Variants in RAB11FIP5 observed in about 807,000 individuals in gnomAD.
RAB11FIP5 encodes the protein rab11 family-interacting protein 5.
In RAB11FIP5, 48 loss-of-function variants were observed where a neutral mutation model predicts 85.1. The observed-to-expected ratio is 0.56, with a 90% CI of 0.45 to 0.72. The LOEUF (loss-of-function observed/expected upper bound fraction) is 0.72, where lower values mean the gene tolerates loss of function less well. Among genes scored for constraint, RAB11FIP5 ranks in the 30% least tolerant of loss-of-function variants. RAB11FIP5 has a pLI of 0.00. For synonymous variants in RAB11FIP5, 729 were observed against 727.3 expected (o/e 1.00, Z -0.04); for missense variants, 1,491 against 1,687.0 (o/e 0.88, Z 2.04).
chr2:73,082,040 CTTTT>C (rs11409259), intron 3 of RAB11FIP5, among the ~76,000 whole-genome samples: 1 of 129,904 alleles, frequency 7.7e-6, no homozygotes, highest in Non-Finnish European at 1.6e-5. Context: ...CCTTACATCC[CTTTT>C]TTTTTTTTTT....
At position 73,089,227 on chromosome 2, in the gene RAB11FIP5, T is replaced by A. The variant is rs1453934862; in HGVS notation, c.520A>T (p.Ser174Cys). Residue 174 changes from serine (S) to cysteine (C), a missense_variant, in exon 2 of 6, where the codon AGC (serine) becomes TGC (cysteine). Around this residue, in one of 3 missense-constraint regions of RAB11FIP5, gnomAD observed 1,211 missense variants for 1,338.0 expected, o/e 0.91. Coordinates refer to ENST00000486777, the MANE Select transcript of RAB11FIP5 (RefSeq NM_001371272.1). The surrounding 1 kb of genome is among the most constrained non-coding windows in gnomAD (Gnocchi z 4.6). ...ATGGACAGGTCAAACATACTGGCGC[T>A]CAGGTTGTTGCGCGTGAACTGGATG... is the stretch of plus-strand genomic sequence containing the variant. ...VTIQFTRNNL[S>C]ASMFDLSMKD... 1 of 1,614,134 alleles carries A rather than the reference T, an allele frequency of 6.2e-7. No individual in the cohort carries two copies. The highest frequency in any genetic ancestry group is 8.5e-7 in the Non-Finnish European group (1 of 1,180,010).
intron 3 of RAB11FIP5, 67 bp downstream of exon 3, chr2:73,087,983 A>G: frequency 7.0e-7 from 1 of 1,432,930 alleles, no homozygotes; most frequent in Non-Finnish European, 9.5e-7. Flanking sequence ...TCCCTGCCCC[A>G]GGGTCCAGGC....
chr2:73,089,404 T>G lies in RAB11FIP5; in HGVS notation c.432-89A>C, dbSNP rs763177752. On this transcript the variant is annotated intron_variant, in intron 1 of 5. Coordinates refer to ENST00000486777, the MANE Select transcript of RAB11FIP5 (RefSeq NM_001371272.1). This position sits in a 1 kb window ranked among gnomAD's most constrained non-coding sequence, Gnocchi z 4.6. Reference sequence around the variant, plus strand: ...TACCAGGCACTGCCCAGACCCCTCCTTGCTCTGAGAGCCACTGATAGCCTC... The same window carrying G: ...TACCAGGCACTGCCCAGACCCCTCCGTGCTCTGAGAGCCACTGATAGCCTC... The G allele has an allele frequency of 4.4e-6, 6 of 1,367,826 alleles. No individual in the cohort carries two copies. The African/African-American group carries it at 8.5e-5, about 19-fold the overall frequency. 84.7% of individuals were successfully genotyped at this position (1,367,826 alleles called of 1,614,324 possible). A position where few individuals can be genotyped will look rare whatever the true frequency, so the allele number is the denominator to read the frequency against.
intron 1 of RAB11FIP5, among the ~76,000 whole-genome samples, chr2:73,106,598 C>CA (rs1329681692): frequency 6.6e-6 from 1 of 152,252 alleles, no homozygotes. Context: ...CCAATGTCCC[C>CA]ATCTCACTAA....
In RAB11FIP5 at chr2:73,088,886, A is replaced by G. The variant is rs778474433; in HGVS notation, c.861T>C (p.Thr287=). Reference sequence around the variant, plus strand: ...GGCCCTGTGCTTGCTCACCCCCTTCAGTGGACAGCCAGCTGCTACGGCTTG... The same window carrying G: ...GGCCCTGTGCTTGCTCACCCCCTTCGGTGGACAGCCAGCTGCTACGGCTTG... ...RSPSRSSWLS[T]EGGRDSAQSP... Residue 287 remains threonine, a synonymous_variant, in exon 2 of 6, where the codon ACT becomes ACC. Transcript: ENST00000486777. 1.3e-6 allele frequency: 2 copies of G among 1,575,192 alleles called. No homozygotes were observed. The highest frequency in any genetic ancestry group is 1.2e-5 in the South Asian group (1 of 84,202).
chr2:73,109,057 A>G (rs553794873), intron 1 of RAB11FIP5, among the ~76,000 whole-genome samples: 1 of 152,298 alleles, frequency 6.6e-6, no homozygotes, highest in South Asian at 2.1e-4. Flanking sequence ...AAAAGAAAAA[A>G]AAAAGGATGT....
Position 73,081,202 on chromosome 2 carries a change from T to C in RAB11FIP5, c.2030A>G (p.Glu677Gly). ...EILAPAGVGL[E>G]AAGLQDPGPG... The stretch of plus-strand genomic sequence containing the variant: ...GCCTGGGTCTTGCAGCCCTGCCGCC[T>C]CCAGCCCCACTCCTGCAGGGGCCAG... Residue 677 changes from glutamate (E) to glycine (G), a missense_variant, in exon 4 of 6, where the codon GAG (glutamate) becomes GGG (glycine). Physicochemically the swap from Glu to Gly is moderately conservative, Grantham distance 98. Around this residue, in one of 3 missense-constraint regions of RAB11FIP5, gnomAD observed 1,211 missense variants for 1,338.0 expected, o/e 0.91. Coordinates refer to ENST00000486777, the MANE Select transcript of RAB11FIP5 (RefSeq NM_001371272.1). This position sits in a 1 kb window ranked among gnomAD's most constrained non-coding sequence, Gnocchi z 4.2. The C allele has an allele frequency of 8.1e-7, 1 of 1,232,182 alleles. No individual in the cohort carries two copies. 76.3% of individuals were successfully genotyped at this position (1,232,182 alleles called of 1,614,324 possible).
chr2:73,076,498 T>C (rs1452338187), intron 4 of RAB11FIP5, among the ~76,000 whole-genome samples: 1 of 152,136 alleles, frequency 6.6e-6, no homozygotes, highest in Non-Finnish European at 1.5e-5. Context: ...CCACCCTCTG[T>C]CAGGGACACC....
At chr2:73,109,751 G>A (rs777870271) in intron 1 of RAB11FIP5, among the ~76,000 whole-genome samples, 5 of 152,114 alleles carry the variant, frequency 3.3e-5, no homozygotes, top group African/African-American at 9.7e-5. Context: ...GGGAACTCTC[G>A]TACTCTTCTG....
In RAB11FIP5 at chr2:73,088,060, G is replaced by T. The variant is rs774406646; in HGVS notation, c.1558C>A (p.Gln520Lys). ...FGLREAKDPT[Q>K]KPSLDVSPQV... ...TTGCCAACGACTTACCTGGGTTTCTGAGTCGGGTCCTTGGCTTCTCTCAAG... is the reference window on the plus strand; with the variant it reads ...TTGCCAACGACTTACCTGGGTTTCTTAGTCGGGTCCTTGGCTTCTCTCAAG... The change falls in exon 3 of 6, where the codon CAG becomes AAG. Residue 520 changes from glutamine to lysine, a missense_variant. Gln to Lys is a moderately conservative substitution (Grantham distance 53). Transcript: ENST00000486777. 5.0e-5 allele frequency: 79 copies of T among 1,593,746 alleles called. No individual in the cohort carries two copies. Among genetic ancestry groups the T allele is most frequent in the Non-Finnish European group, 6.8e-5 (79 of 1,168,798 alleles).
rs539141359 is a variant in RAB11FIP5 at position 73,093,213 on chromosome 2, C to T, written c.432-3898G>A. Among the ~76,000 whole-genome samples, 10 of 152,344 alleles carry T rather than the reference C, an allele frequency of 6.6e-5. No homozygotes were observed. The South Asian group carries it at 2.1e-3, about 32-fold the overall frequency. ...TCATCCCTAGAGACTGAAGCCCCCA[C>T]GGGGAATATGACAGCAGGGTCCTAT... is the stretch of plus-strand genomic sequence containing the variant. On this transcript the variant is annotated intron_variant, in intron 1 of 5. Coordinates refer to ENST00000486777, the MANE Select transcript of RAB11FIP5 (RefSeq NM_001371272.1).
rs1321292665 is a variant in RAB11FIP5 at position 73,091,590 on chromosome 2, G to A, written c.432-2275C>T. Reference sequence around the variant, plus strand: ...GTGGACACAGAGTGGGGTGTGGGGAGCCTTTGTATGAAAAGTCCCTATACA... The same window carrying A: ...GTGGACACAGAGTGGGGTGTGGGGAACCTTTGTATGAAAAGTCCCTATACA... On this transcript the variant is annotated intron_variant, in intron 1 of 5. Transcript: ENST00000486777. Among the ~76,000 whole-genome samples, 5 of 152,190 alleles carry A rather than the reference G, an allele frequency of 3.3e-5. No individual in the cohort carries two copies. The East Asian group carries it at 5.8e-4, about 18-fold the overall frequency.
chr2:73,112,273 G>C, intron 1 of RAB11FIP5, 74 bp downstream of exon 1: 1 of 1,383,864 alleles, frequency 7.2e-7, no homozygotes, highest in African/African-American at 1.5e-5. Flanking sequence ...GCTGAAGTTC[G>C]GGGTCCTGAT....
At position 73,083,388 on chromosome 2, in the gene RAB11FIP5, C is replaced by T. The variant is rs1357452440; in HGVS notation, c.1569-1725G>A. ...TGGTTCTGGGAGAAGGGAGGTCAGCCTCACAGGTCCCAAACCCAGGGATTT... is the reference window on the plus strand; with the variant it reads ...TGGTTCTGGGAGAAGGGAGGTCAGCTTCACAGGTCCCAAACCCAGGGATTT... On this transcript the variant is annotated intron_variant, in intron 3 of 5. Coordinates refer to ENST00000486777, the MANE Select transcript of RAB11FIP5 (RefSeq NM_001371272.1). Among the ~76,000 whole-genome samples the T allele has an allele frequency of 3.9e-5, 6 of 152,172 alleles. No individual in the cohort carries two copies. The South Asian group carries it at 1.2e-3, about 31-fold the overall frequency.
Position 73,075,944 on chromosome 2 carries a change from C to T in RAB11FIP5, c.3771+49G>A. 6.4e-7 allele frequency: 1 copy of T among 1,574,590 alleles called. No homozygotes were observed. The highest frequency in any genetic ancestry group is 8.7e-7 in the Non-Finnish European group (1 of 1,155,322). ...CCCTCACCAGGACCAAGCCCTGAGA[C>T]TCCACCACACATTCTGTCAGATGGC... On this transcript the variant is annotated intron_variant, in intron 5 of 5. Coordinates refer to ENST00000486777, the MANE Select transcript of RAB11FIP5 (RefSeq NM_001371272.1). This position sits in a 1 kb window ranked among gnomAD's most constrained non-coding sequence, Gnocchi z 4.6.
intron 4 of RAB11FIP5, 145 bp downstream of exon 4, chr2:73,079,506 G>A (rs1313285744): frequency 1.9e-6 from 2 of 1,066,380 alleles, no homozygotes; most frequent in Non-Finnish European, 2.4e-6. Context: ...TTCAAAGCCT[G>A]TACCGTCTTG....
intron 1 of RAB11FIP5, among the ~76,000 whole-genome samples, chr2:73,097,678 C>T (rs1267974596): frequency 6.6e-6 from 1 of 152,198 alleles, no homozygotes; most frequent in Non-Finnish European, 1.5e-5. Flanking sequence ...GATCCCCACC[C>T]CACCTGCCAA....
intron 1 of RAB11FIP5, among the ~76,000 whole-genome samples, chr2:73,109,772 C>T (rs1197101301): frequency 1.3e-5 from 2 of 152,204 alleles, no homozygotes; most frequent in Admixed American, 6.5e-5. Context: ...TGTACTCCGT[C>T]ACCCATGGTC....
rs1683902940 is a variant in RAB11FIP5 at position 73,078,447 on chromosome 2, G to A, written c.3581+1204C>T. Among the ~76,000 whole-genome samples, 1 of 152,168 alleles carries A rather than the reference G, an allele frequency of 6.6e-6. No individual in the cohort carries two copies. Among genetic ancestry groups the A allele is most frequent in the Non-Finnish European group, 1.5e-5 (1 of 68,036 alleles). On this transcript the variant is annotated intron_variant, in intron 4 of 5. Transcript: ENST00000486777. The surrounding 1 kb of genome is among the most constrained non-coding windows in gnomAD (Gnocchi z 4.4). ...CCAGCCGAGGACACTGCAACCACCA[G>A]CTCCCCCACATCCTCTCCCTCACCT...
Sources: gnomAD v4.1 joint callset for allele counts (sites outside exome capture counted in the v4.1 genomes callset) on GRCh38, gnomAD v4.1.1 for gene constraint, gnomAD v4.1.1 regional missense constraint, Gnocchi (gnomAD v3.1) non-coding constraint, MANE v1.5 for transcripts, NCBI Gene and HGNC (gene_info 2026-07-23, HGNC 2026-07-21) for gene names.